The following UBAC2 variants were observed in gnomAD, a reference collection of about 807,000 sequenced individuals.
The protein encoded by UBAC2 is ubiquitin-associated domain-containing protein 2.
A neutral mutation model predicts 44.0 loss-of-function variants in UBAC2; 26 were observed. The observed-to-expected ratio is 0.59, with a 90% CI of 0.43 to 0.82. The LOEUF is 0.82. UBAC2 is among the 40% of genes least tolerant of loss of function. UBAC2 has a pLI of 0.00. For synonymous variants in UBAC2, 155 were observed against 154.3 expected (o/e 1.00, Z -0.04); for missense variants, 329 against 419.4 (o/e 0.78, Z 1.88).
intron 4 of UBAC2, among the ~76,000 whole-genome samples, chr13:99,312,540 T>A (rs1375373420): frequency 6.6e-6 from 1 of 152,218 alleles, no homozygotes; most frequent in African/African-American, 2.4e-5. Context: ...TTGTAGCTCC[T>A]GTGCTGGGCA....
At chr13:99,367,465 G>C (rs9582291) in intron 7 of UBAC2, among the ~76,000 whole-genome samples, 56 of 152,222 alleles carry the variant, frequency 3.7e-4, no homozygotes, top group African/African-American at 1.3e-3. Flanking sequence ...AGTTGGGACA[G>C]TCAGTGGCGT....
chr13:99,302,157 AG>A (rs2138734015), intron 4 of UBAC2, among the ~76,000 whole-genome samples: 1 of 152,310 alleles, frequency 6.6e-6, no homozygotes, highest in East Asian at 1.9e-4. Context: ...AAAAACAGCC[AG>A]GGGAGCCACC....
At chr13:99,283,337 A>G (rs1033947915) in intron 4 of UBAC2, among the ~76,000 whole-genome samples, 1 of 152,202 alleles carries the variant, frequency 6.6e-6, no homozygotes, top group Non-Finnish European at 1.5e-5. Flanking sequence ...GTTTGTTAAT[A>G]TCAGTGACAA....
intron 7 of UBAC2, 79 bp from the exon 8 acceptor site, chr13:99,367,708 A>T: frequency 6.3e-7 from 1 of 1,582,846 alleles, no homozygotes; most frequent in Non-Finnish European, 8.7e-7. Flanking sequence ...ATGTAACTGC[A>T]TTGAGAGAAA....
intron 4 of UBAC2, among the ~76,000 whole-genome samples, chr13:99,273,403 G>T (rs1476017561): frequency 1.3e-5 from 2 of 152,156 alleles, no homozygotes; most frequent in African/African-American, 2.4e-5. Flanking sequence ...CTCCTGTTTG[G>T]TGAGGTTCCA....
chr13:99,243,993 A>G, intron 3 of UBAC2, 42 bp downstream of exon 3: 1 of 1,460,810 alleles, frequency 6.8e-7, no homozygotes, highest in Non-Finnish European at 9.0e-7. Context: ...TAGGCTGTAG[A>G]AAAAAATTTT....
At position 99,385,162 on chromosome 13, in the gene UBAC2, A is replaced by G. The variant is rs888152236; in HGVS notation, c.928-66A>G. On this transcript the variant is annotated intron_variant, in intron 8 of 8. Transcript: ENST00000403766. ...TTGCCACAAGGCTCACATGAAGAAC[A>G]TTTGGGGCCCAGGGATAAGCGGCAA... 2.5e-6 allele frequency: 3 copies of G among 1,193,802 alleles called. No homozygotes were observed. The African/African-American group carries it at 4.5e-5, about 18-fold the overall frequency. The allele number at this position is 1,193,802 out of a possible 1,614,324, so 74.0% of individuals were successfully genotyped here.
chr13:99,345,237 G>A (rs1473218764), intron 7 of UBAC2, among the ~76,000 whole-genome samples: 2 of 152,298 alleles, frequency 1.3e-5, no homozygotes, highest in East Asian at 3.9e-4. Flanking sequence ...GATAATGGAG[G>A]GAGGTAGTTT....
chr13:99,282,649 A>C (rs184938549), intron 4 of UBAC2, among the ~76,000 whole-genome samples: 18 of 152,364 alleles, frequency 1.2e-4, no homozygotes, highest in Admixed American at 1.2e-3. Context: ...GGTAACAGAC[A>C]GCAAAGGAGA....
chr13:99,316,582 A>G (rs568396090), intron 5 of UBAC2, among the ~76,000 whole-genome samples: 19 of 152,320 alleles, frequency 1.2e-4, no homozygotes, highest in African/African-American at 4.6e-4. Flanking sequence ...TTAAATCAGT[A>G]TCACCCACTG....
chr13:99,263,096 C>G (rs2043691626), intron 4 of UBAC2, among the ~76,000 whole-genome samples: 1 of 152,088 alleles, frequency 6.6e-6, no homozygotes, highest in African/African-American at 2.4e-5. Flanking sequence ...TATGTTCTTT[C>G]TGTATTTTGC....
At position 99,200,956 on chromosome 13, in the gene UBAC2, G is replaced by T; in HGVS notation, c.31+17G>T. 7.7e-7 allele frequency: 1 copy of T among 1,303,432 alleles called. No homozygotes were observed. The highest frequency in any genetic ancestry group is 9.8e-7 in the Non-Finnish European group (1 of 1,017,996). 80.7% of individuals were successfully genotyped at this position (1,303,432 alleles called of 1,614,324 possible). ...GTGGGCTCTGTGAGTACCGGCCTCC[G>T]CCATCCTGGCTGCCCCCTACACGCC... On this transcript the variant is annotated intron_variant, in intron 1 of 8. Coordinates refer to ENST00000403766, the MANE Select transcript of UBAC2 (RefSeq NM_001144072.2).
At chr13:99,357,148 T>C (rs1045345470) in intron 7 of UBAC2, among the ~76,000 whole-genome samples, 3 of 152,336 alleles carry the variant, frequency 2.0e-5, no homozygotes, top group African/African-American at 4.8e-5. Flanking sequence ...ACAACTACCA[T>C]TGTGTTACAG....
intron 4 of UBAC2, among the ~76,000 whole-genome samples, chr13:99,264,372 T>TG (rs2043711670): frequency 6.6e-6 from 1 of 152,114 alleles, no homozygotes; most frequent in South Asian, 2.1e-4. Context: ...AAGAAGCAAA[T>TG]GGATTTTCTG....
intron 4 of UBAC2, among the ~76,000 whole-genome samples, chr13:99,309,571 A>T (rs2044384956): frequency 6.6e-6 from 1 of 152,140 alleles, no homozygotes; most frequent in Non-Finnish European, 1.5e-5. Flanking sequence ...TTGTGATTGT[A>T]CTGTAAAAGT....
intron 1 of UBAC2, 29 bp downstream of exon 1, chr13:99,200,968 GC>G: frequency 7.7e-7 from 1 of 1,301,730 alleles, no homozygotes; most frequent in Non-Finnish European, 9.8e-7. Context: ...CATCCTGGCT[GC>G]CCCCTACACG....
rs35640725 is a variant in UBAC2, at chr13:99,248,388, A to ATT, written c.389+3783_389+3784dup. 4.3e-3 allele frequency among the ~76,000 whole-genome samples: 562 copies of ATT among 130,106 alleles called. 8 individuals are homozygous for ATT. Among genetic ancestry groups the ATT allele is most frequent in the African/African-American group, 0.014 (475 of 34,716 alleles). The allele number at this position is 130,106 out of a possible 152,430, so 85.4% of individuals were successfully genotyped here. On this transcript the variant is annotated intron_variant, in intron 4 of 8. Coordinates refer to ENST00000403766, the MANE Select transcript of UBAC2 (RefSeq NM_001144072.2). ...ATAGATGTGCCACCATGCCCACCTA[A>ATT]TTTTTTTTTTTTTTTTTTTTGAGAC...
intron 7 of UBAC2, chr13:99,351,482 A>G (rs926737240): frequency 1.5e-5 from 7 of 454,808 alleles, no homozygotes; most frequent in African/African-American, 1.4e-4. Context: ...GGCCCTTTAC[A>G]GAAAAATATT....
chr13:99,321,098 G>A (rs1368971856), intron 6 of UBAC2, among the ~76,000 whole-genome samples: 1 of 152,160 alleles, frequency 6.6e-6, no homozygotes, highest in Non-Finnish European at 1.5e-5. Flanking sequence ...TTAACCATGT[G>A]TGTTAAGCAA....
Sources: gnomAD v4.1 joint callset for allele counts (sites outside exome capture counted in the v4.1 genomes callset) on GRCh38, gnomAD v4.1.1 for gene constraint, MANE v1.5 for transcripts, NCBI Gene and HGNC (gene_info 2026-07-23, HGNC 2026-07-21) for gene names.